BTG4: variants seen among roughly 807,000 people sequenced by gnomAD.
BTG4 encodes the protein BTG anti-proliferation factor 4.
BTG4 carries 10 observed loss-of-function variants against 19.3 expected under a neutral mutation model. That is an observed-to-expected ratio of 0.52 (90% CI 0.32 to 0.88). The LOEUF (loss-of-function observed/expected upper bound fraction) is 0.88, where lower values mean the gene tolerates loss of function less well. BTG4 is among the 40% of genes least tolerant of loss of function. The pLI is 0.04. For missense variants in BTG4, 238 were observed against 281.9 expected (o/e 0.84, Z 1.11); for synonymous variants, 91 against 95.7 (o/e 0.95, Z 0.29).
chr11:111,431,237 C>G, the BTG4 span, among the ~76,000 whole-genome samples: 2 of 152,230 alleles, frequency 1.3e-5, no homozygotes, highest in Middle Eastern at 3.4e-3. Flanking sequence ...GGTCTAGAAC[C>G]CCAGGCTCAG....
chr11:111,438,085 C>A, the BTG4 span, among the ~76,000 whole-genome samples: 1 of 152,194 alleles, frequency 6.6e-6, no homozygotes, highest in South Asian at 2.1e-4. Context: ...GGCTGAGAAG[C>A]AGTTGTAGAT....
intron 1 of BTG4, among the ~76,000 whole-genome samples, chr11:111,505,382 C>G (rs75030535): frequency 0.014 from 2,062 of 151,944 alleles, 26 homozygotes; most frequent in Middle Eastern, 0.027. Context: ...AAATAGACAC[C>G]CTATTCAATA....
At chr11:111,433,775 T>C in the BTG4 span, among the ~76,000 whole-genome samples, 1 of 152,214 alleles carries the variant, frequency 6.6e-6, no homozygotes, top group Non-Finnish European at 1.5e-5. Context: ...AGAAGACATT[T>C]ATGTAGCCAA....
chr11:111,463,883 C>G (rs149670614), downstream of BTG4, among the ~76,000 whole-genome samples: 2 of 152,190 alleles, frequency 1.3e-5, no homozygotes, highest in African/African-American at 4.8e-5. Flanking sequence ...TCCTTGCCTG[C>G]TGTTGGCCAG....
the BTG4 span, chr11:111,449,369 C>G: frequency 0.085 from 12,855 of 152,034 alleles, 761 homozygotes; most frequent in Middle Eastern, 0.14. Context: ...CCCGGGCCAC[C>G]GAGACTTTGG....
At chr11:111,418,741 C>T in the BTG4 span, among the ~76,000 whole-genome samples, 1 of 152,202 alleles carries the variant, frequency 6.6e-6, no homozygotes, top group Non-Finnish European at 1.5e-5. Flanking sequence ...ATACCACCAA[C>T]CTTGAGAGTC....
chr11:111,470,402 C>A (rs373321625), intron 5 of BTG4, among the ~76,000 whole-genome samples: 1 of 152,120 alleles, frequency 6.6e-6, no homozygotes, highest in Admixed American at 6.5e-5. Context: ...AATAAAAATC[C>A]TATTCTACAG....
At chr11:111,413,572 G>C in the BTG4 span, among the ~76,000 whole-genome samples, 3 of 152,230 alleles carry the variant, frequency 2.0e-5, no homozygotes, top group African/African-American at 7.2e-5. Flanking sequence ...GAGGCTTACA[G>C]TCATACCTAG....
chr11:111,507,207 G>A (rs1274892265), intron 1 of BTG4, among the ~76,000 whole-genome samples: 2 of 152,062 alleles, frequency 1.3e-5, no homozygotes, highest in Non-Finnish European at 2.9e-5. Context: ...AGGATAATCA[G>A]TCTGTTTTCT....
chr11:111,475,133 G>A (rs1174025096), intron 5 of BTG4: 1 of 152,424 alleles, frequency 6.6e-6, no homozygotes, highest in Admixed American at 6.6e-5. Flanking sequence ...ATTTCAGTCT[G>A]CATTATTAAA....
In BTG4 at chr11:111,495,128, C is replaced by T. The variant is rs750056268; in HGVS notation, c.*7G>A. The T allele has an allele frequency of 2.0e-5, 31 of 1,523,814 alleles. 1 individual carries two copies. The highest frequency in any genetic ancestry group is 1.8e-4 in the African/African-American group (13 of 71,008). 94.4% of individuals were successfully genotyped at this position (1,523,814 alleles called of 1,614,324 possible). ...AGCTCTTGCCCACCACGTGCCCAGT[C>T]GCTGCGTCATCGGTGTGTGTTGACC... On this transcript the variant is annotated 3_prime_UTR_variant, in exon 5 of 5. Transcript: ENST00000692032.
chr11:111,447,138 A>G, the BTG4 span, among the ~76,000 whole-genome samples: 1 of 152,140 alleles, frequency 6.6e-6, no homozygotes, highest in Non-Finnish European at 1.5e-5. Context: ...TGCCCTTTTG[A>G]AAAGTAATTA....
downstream of BTG4, among the ~76,000 whole-genome samples, chr11:111,463,947 CT>C (rs1048476404): frequency 1.3e-5 from 2 of 152,206 alleles, no homozygotes; most frequent in African/African-American, 4.8e-5. Flanking sequence ...TGGCAGCTGG[CT>C]TCTCTCAGAG....
At chr11:111,494,650 G>A (rs1220722063), downstream of BTG4, among the ~76,000 whole-genome samples, 2 of 152,006 alleles carry the variant, frequency 1.3e-5, no homozygotes, top group East Asian at 3.9e-4. Context: ...ATGGTGGCCG[G>A]GCACGGTGGC....
chr11:111,388,393 G>A, the BTG4 span, among the ~76,000 whole-genome samples: 1 of 151,442 alleles, frequency 6.6e-6, no homozygotes, highest in Non-Finnish European at 1.5e-5. Context: ...CACAACCCTA[G>A]ACAACCAAAC....
At chr11:111,442,972 GA>G in the BTG4 span, among the ~76,000 whole-genome samples, 2 of 152,160 alleles carry the variant, frequency 1.3e-5, no homozygotes, top group African/African-American at 4.8e-5. Context: ...GCATAGTGTG[GA>G]AAGGGAAAAA....
chr11:111,480,621 A>AT (rs2135571358), intron 5 of BTG4, among the ~76,000 whole-genome samples: 1 of 152,088 alleles, frequency 6.6e-6, no homozygotes, highest in African/African-American at 2.4e-5. Flanking sequence ...TCCAACCAGA[A>AT]CAGAACCAAA....
the BTG4 span, among the ~76,000 whole-genome samples, chr11:111,391,330 G>A: frequency 2.6e-5 from 4 of 152,132 alleles, no homozygotes; most frequent in African/African-American, 9.7e-5. Flanking sequence ...ATTTTCTGTC[G>A]CTCCAAATTT....
chr11:111,483,675 A>T (rs1864877525), intron 5 of BTG4, among the ~76,000 whole-genome samples: 1 of 152,186 alleles, frequency 6.6e-6, no homozygotes, highest in Non-Finnish European at 1.5e-5. Flanking sequence ...ATGAAAACAG[A>T]CAGTCAGAGA....
Sources: gnomAD v4.1 joint callset for allele counts (sites outside exome capture counted in the v4.1 genomes callset) on GRCh38, gnomAD v4.1.1 for gene constraint, MANE v1.5 for transcripts, NCBI Gene and HGNC (gene_info 2026-07-23, HGNC 2026-07-21) for gene names.